AKR1B10: variants seen among roughly 807,000 people sequenced by gnomAD.
AKR1B10 encodes ARP.
A neutral mutation model predicts 38.9 loss-of-function variants in AKR1B10; 39 were observed. The observed-to-expected ratio is 1.00, with a 90% CI of 0.78 to 1.31. The LOEUF is 1.31. AKR1B10 is among the 50% of genes most tolerant of loss of function. The pLI is 0.00. For missense variants in AKR1B10, 361 were observed against 382.6 expected (o/e 0.94, Z 0.47); for synonymous variants, 148 against 141.2 (o/e 1.05, Z -0.34).
chr7:134,534,014 A>G (rs1282522411), intron 4 of AKR1B10, among the ~76,000 whole-genome samples: 2 of 152,202 alleles, frequency 1.3e-5, no homozygotes, highest in Non-Finnish European at 2.9e-5. Context: ...ACAAGCAAAA[A>G]TATATTATGT....
At position 134,531,988 on chromosome 7, in the gene AKR1B10, G is replaced by T; in HGVS notation, c.315G>T (p.Leu105=). Residue 105 remains leucine (L), a synonymous_variant, in exon 3 of 10, where the codon CTG becomes CTT. Coordinates refer to ENST00000359579, the MANE Select transcript of AKR1B10 (RefSeq NM_020299.5). The stretch of plus-strand genomic sequence containing the variant: ...TCAAGGACCTGAAGCTGAGCTATCT[G>T]GACGTCTATCTTATTCACTGGCCAC... ...KTLKDLKLSY[L]DVYLIHWPQG... 1.2e-6 allele frequency: 2 copies of T among 1,614,092 alleles called. No homozygotes were observed. Among genetic ancestry groups the T allele is most frequent in the South Asian group, 2.2e-5 (2 of 91,074 alleles).
chr7:134,530,836 C>T (rs1488862552), intron 2 of AKR1B10, 26 bp downstream of exon 2: 2 of 1,591,754 alleles, frequency 1.3e-6, no homozygotes, highest in East Asian at 2.2e-5. Flanking sequence ...TGGTGGGAGG[C>T]CTTCACTTCA....
chr7:134,537,699 A>C (rs758704545), intron 7 of AKR1B10, 38 bp downstream of exon 7: 21 of 1,606,052 alleles, frequency 1.3e-5, no homozygotes, highest in South Asian at 2.2e-5. Flanking sequence ...CCAACAACTC[A>C]TTCTTCCAGT....
At chr7:134,538,342 C>T (rs1218910255) in intron 8 of AKR1B10, 65 bp downstream of exon 8, 7 of 1,457,398 alleles carry the variant, frequency 4.8e-6, no homozygotes, top group Non-Finnish European at 6.7e-6. Flanking sequence ...GACCTTCTCA[C>T]TAGGCTTCTC....
At chr7:134,538,713 C>A (rs1808076415) in intron 8 of AKR1B10, among the ~76,000 whole-genome samples, 1 of 152,190 alleles carries the variant, frequency 6.6e-6, no homozygotes, top group South Asian at 2.1e-4. Context: ...GCCTGTGAGC[C>A]TGGTCTCCCT....
rs749670739 is a variant in AKR1B10 at position 134,536,667 on chromosome 7, G to A, written c.447G>A (p.Val149=). ...LDAWEAMEEL[V]DEGLVKALGV... ...TATGATAGGCCATGGAGGAGCTGGT[G>A]GATGAGGGGCTGGTGAAAGCCCTTG... Residue 149 remains valine (V), a synonymous_variant, in exon 5 of 10, where the codon GTG becomes GTA. Coordinates refer to ENST00000359579, the MANE Select transcript of AKR1B10 (RefSeq NM_020299.5). The A allele has an allele frequency of 3.1e-6, 5 of 1,613,872 alleles. No individual in the cohort carries two copies. The highest frequency in any genetic ancestry group is 1.7e-5 in the Admixed American group (1 of 60,018).
intron 1 of AKR1B10, among the ~76,000 whole-genome samples, chr7:134,528,843 C>G (rs1381833637): frequency 2.0e-5 from 3 of 152,198 alleles, no homozygotes; most frequent in Admixed American, 2.0e-4. Flanking sequence ...AAGATCCCTA[C>G]GTGGTTCCTG....
chr7:134,538,910 T>C (rs756473539), intron 8 of AKR1B10, 25 bp from the exon 9 acceptor site: 6 of 1,613,678 alleles, frequency 3.7e-6, no homozygotes, highest in Non-Finnish European at 5.1e-6. Context: ...TTACTGATGA[T>C]GTATTGGAAC....
intron 4 of AKR1B10, 44 bp from the exon 5 acceptor site, chr7:134,536,606 T>C (rs1808012250): frequency 1.9e-6 from 3 of 1,603,298 alleles, no homozygotes; most frequent in Non-Finnish European, 2.6e-6. Context: ...AGGGTCCCTG[T>C]AGTCCCTCTA....
At chr7:134,533,310 C>T (rs2117543381) in intron 4 of AKR1B10, among the ~76,000 whole-genome samples, 1 of 152,250 alleles carries the variant, frequency 6.6e-6, no homozygotes, top group East Asian at 1.9e-4. Context: ...CAATGTACCC[C>T]ACTTTGGGGA....
chr7:134,538,114 A>T, intron 7 of AKR1B10, 80 bp from the exon 8 acceptor site: 1 of 1,273,028 alleles, frequency 7.9e-7, no homozygotes, highest in Middle Eastern at 1.8e-4. Context: ...AGTGAGCTGC[A>T]GAGATGTTTT....
At chr7:134,536,830 G>C (rs1216702888) in intron 5 of AKR1B10, 58 bp downstream of exon 5, 3 of 1,606,398 alleles carry the variant, frequency 1.9e-6, no homozygotes, top group Non-Finnish European at 2.6e-6. Flanking sequence ...TAAACATTGC[G>C]GGAGGAATGT....
chr7:134,539,007 A>G lies in AKR1B10; in HGVS notation c.898A>G (p.Asn300Asp), dbSNP rs780466117. ...LSFNRNWRAC[N>D]VLQSSHLEDY... ...CTTCAACAGAAACTGGAGGGCCTGTAACGTGTTGCAGTAAGTGGCATGGAG... is the reference window on the plus strand; with the variant it reads ...CTTCAACAGAAACTGGAGGGCCTGTGACGTGTTGCAGTAAGTGGCATGGAG... The change falls in exon 9 of 10, where the codon AAC (asparagine) becomes GAC (aspartate). Residue 300 changes from asparagine (N) to aspartate (D), a missense_variant. Asn to Asp is a conservative substitution (Grantham distance 23). Coordinates refer to ENST00000359579, the MANE Select transcript of AKR1B10 (RefSeq NM_020299.5). 123 of 1,613,744 alleles carry G rather than the reference A, an allele frequency of 7.6e-5. No homozygotes were observed. The highest frequency in any genetic ancestry group is 8.6e-5 in the Non-Finnish European group (102 of 1,179,616).
rs17856271 is a variant in AKR1B10 at position 134,541,074 on chromosome 7, C to T, written c.936C>T (p.Phe312=). The T allele has an allele frequency of 5.7e-6, 9 of 1,581,426 alleles. No individual in the cohort carries two copies. The highest frequency in any genetic ancestry group is 4.4e-5 in the South Asian group (4 of 90,186). The change falls in exon 10 of 10, where the codon TTC becomes TTT. Residue 312 remains phenylalanine (F), a synonymous_variant. Transcript: ENST00000359579. ...LQSSHLEDYP[F]NAEY is the part of the protein sequence containing the mutation. ...CCTCTCATTTGGAAGACTATCCCTT[C>T]AATGCAGAATATTGAGGTTGAATCT...
At chr7:134,535,189 G>C (rs1382315834) in intron 4 of AKR1B10, among the ~76,000 whole-genome samples, 1 of 152,144 alleles carries the variant, frequency 6.6e-6, no homozygotes, top group East Asian at 1.9e-4. Flanking sequence ...TGTTGCCCAG[G>C]ATGGTCTCCA....
chr7:134,527,724 T>TTTCATTA lies in AKR1B10; in HGVS notation c.-188_-187insTTCATTA. ...AGCTGGGAGTCACGGTGGGCGCCTG[T>TTTCATTA]AATCCCAGCTACTCGGGAGGCTGAG... On this transcript the variant is annotated 5_prime_UTR_variant, in exon 1 of 10. Transcript: ENST00000359579. 1 of 499,806 alleles carries TTTCATTA rather than the reference T, an allele frequency of 2.0e-6. No homozygotes were observed. The highest frequency in any genetic ancestry group is 3.3e-6 in the Non-Finnish European group (1 of 307,392). 31.0% of individuals were successfully genotyped at this position (499,806 alleles called of 1,614,324 possible).
chr7:134,537,268 A>G (rs1233696635), intron 6 of AKR1B10, 111 bp downstream of exon 6: 2 of 1,458,804 alleles, frequency 1.4e-6, no homozygotes, highest in Admixed American at 2.6e-5. Flanking sequence ...AATGTGTGTA[A>G]GGTAACACGT....
intron 4 of AKR1B10, among the ~76,000 whole-genome samples, chr7:134,535,318 AG>A (rs1014744702): frequency 6.6e-6 from 1 of 152,162 alleles, no homozygotes; most frequent in African/African-American, 2.4e-5. Flanking sequence ...GGCCTACAAG[AG>A]TTAAAAAACT....
intron 3 of AKR1B10, among the ~76,000 whole-genome samples, chr7:134,532,514 C>T (rs756403093): frequency 6.6e-6 from 1 of 152,118 alleles, no homozygotes; most frequent in Non-Finnish European, 1.5e-5. Flanking sequence ...TCTGCTCTTA[C>T]CTGCTCCTGA....
Sources: gnomAD v4.1 joint callset for allele counts (sites outside exome capture counted in the v4.1 genomes callset) on GRCh38, gnomAD v4.1.1 for gene constraint, MANE v1.5 for transcripts, NCBI Gene and HGNC (gene_info 2026-07-23, HGNC 2026-07-21) for gene names.